Variants in ADAMTS12 observed in about 807,000 individuals in gnomAD.
ADAMTS12 encodes A disintegrin and metalloproteinase with thrombospondin motifs 12.
ADAMTS12 carries 118 observed loss-of-function variants against 167.8 expected under a neutral mutation model. The observed-to-expected ratio is 0.70, with a 90% CI of 0.61 to 0.82. The LOEUF is 0.82. Ranked by LOEUF, ADAMTS12 falls within the 40% of genes least tolerant of loss-of-function variation. ADAMTS12 has a pLI of 0.00. For missense variants in ADAMTS12, 1,916 were observed against 1,998.8 expected, an observed-to-expected ratio of 0.96 and a Z score of 0.79; for synonymous variants, 704 against 716.9, an observed-to-expected ratio of 0.98 and a Z score of 0.29.
At chr5:33,569,908 G>A (rs201259601) in intron 19 of ADAMTS12, among the ~76,000 whole-genome samples, 1 of 152,234 alleles carries the variant, frequency 6.6e-6, no homozygotes, top group East Asian at 1.9e-4. Context: ...TAAAGGAGCT[G>A]ATGGAGCTGA....
Position 33,567,818 on chromosome 5 carries a change from T to A in ADAMTS12, c.3973-6639A>T, listed in dbSNP as rs550801768. 3.9e-5 allele frequency among the ~76,000 whole-genome samples: 6 copies of A among 152,182 alleles called. No homozygotes were observed. The South Asian group carries it at 1.2e-3, about 31-fold the overall frequency. On this transcript the variant is annotated intron_variant, in intron 19 of 23. Transcript: ENST00000504830. The stretch of plus-strand genomic sequence containing the variant: ...CCACATAACTGGCATTATTTTCATA[T>A]GTAATATGACCAAAGAAGAAATAAA...
intron 2 of ADAMTS12, among the ~76,000 whole-genome samples, chr5:33,814,559 T>A (rs1747579857): frequency 6.6e-6 from 1 of 152,228 alleles, no homozygotes; most frequent in South Asian, 2.1e-4. Context: ...TTGGGAATCA[T>A]ATGTTTATTG....
rs758188323 is a variant in ADAMTS12 at position 33,624,297 on chromosome 5, C to T, written c.2077G>A (p.Val693Met). 6.8e-6 allele frequency: 11 copies of T among 1,614,112 alleles called. No homozygotes were observed. In the East Asian group the frequency reaches 2.2e-4, roughly 33 times the overall value. ...DSNATEDRCG[V>M]CLGDGSSCQT... ...CAGGAAGAGCCATCTCCCAGGCACA[C>T]ACCGCAGCGATCCTCGGTGGCATTG... Residue 693 changes from valine (V) to methionine (M), a missense_variant, in exon 14 of 24, where the codon GTG becomes ATG. Coordinates refer to ENST00000504830, the MANE Select transcript of ADAMTS12 (RefSeq NM_030955.4).
chr5:33,617,596 GA>G (rs1421856438), intron 14 of ADAMTS12, among the ~76,000 whole-genome samples: 1 of 152,076 alleles, frequency 6.6e-6, no homozygotes, highest in Non-Finnish European at 1.5e-5. Flanking sequence ...CCACCTCCGG[GA>G]AGATATTGAT....
chr5:33,720,207 A>AT (rs1743758127), intron 3 of ADAMTS12, among the ~76,000 whole-genome samples: 1 of 151,556 alleles, frequency 6.6e-6, no homozygotes, highest in Non-Finnish European at 1.5e-5. Context: ...AATGAAAGGG[A>AT]TTTTTTGGCA....
intron 20 of ADAMTS12, among the ~76,000 whole-genome samples, chr5:33,553,288 A>G (rs1745339021): frequency 6.6e-6 from 1 of 152,226 alleles, no homozygotes; most frequent in Non-Finnish European, 1.5e-5. Context: ...TAGTTCAGCC[A>G]TTGTGAAAGA....
chr5:33,724,744 G>A (rs1193069287), intron 3 of ADAMTS12, among the ~76,000 whole-genome samples: 2 of 151,764 alleles, frequency 1.3e-5, no homozygotes, highest in South Asian at 2.1e-4. Context: ...GTAGAGACGG[G>A]GTTTCACCGT....
chr5:33,562,629 A>G (rs1745801738), intron 19 of ADAMTS12, among the ~76,000 whole-genome samples: 1 of 150,518 alleles, frequency 6.6e-6, no homozygotes, highest in African/African-American at 2.4e-5. Context: ...TTCACTCTCC[A>G]TATAATTTTT....
intron 5 of ADAMTS12, 121 bp from the exon 6 acceptor site, chr5:33,662,161 A>G: frequency 7.6e-7 from 1 of 1,313,176 alleles, no homozygotes; most frequent in Non-Finnish European, 1.0e-6. Context: ...TGCATCAGAC[A>G]TTTGGCAGTC....
chr5:33,537,515 T>C (rs931734279), intron 22 of ADAMTS12, among the ~76,000 whole-genome samples: 4 of 152,224 alleles, frequency 2.6e-5, no homozygotes, highest in African/African-American at 9.6e-5. Flanking sequence ...TGTGTGCATC[T>C]TGGCTCTGAT....
chr5:33,741,630 A>C (rs1017895835), intron 3 of ADAMTS12, among the ~76,000 whole-genome samples: 1 of 152,124 alleles, frequency 6.6e-6, no homozygotes, highest in African/African-American at 2.4e-5. Context: ...CTAAGAATCC[A>C]AACCCACTTT....
chr5:33,852,888 G>A (rs1749269444), intron 2 of ADAMTS12, among the ~76,000 whole-genome samples: 1 of 152,184 alleles, frequency 6.6e-6, no homozygotes, highest in African/African-American at 2.4e-5. Flanking sequence ...GATGGCTGCA[G>A]TTTATGGAGA....
At chr5:33,861,352 G>A (rs3096133) in intron 2 of ADAMTS12, among the ~76,000 whole-genome samples, 74,164 of 151,778 alleles carry the variant, frequency 0.49, 20,441 homozygotes, top group African/African-American at 0.74. Context: ...AAGCAAAATG[G>A]AAGAAAAAAA....
chr5:33,845,208 C>T (rs1481842542), intron 2 of ADAMTS12, among the ~76,000 whole-genome samples: 5 of 152,174 alleles, frequency 3.3e-5, no homozygotes, highest in African/African-American at 1.2e-4. Context: ...AACAGCAGCA[C>T]CTGATAGCAA....
chr5:33,882,670 C>T (rs908713736), intron 1 of ADAMTS12, among the ~76,000 whole-genome samples: 1 of 152,158 alleles, frequency 6.6e-6, no homozygotes, highest in Non-Finnish European at 1.5e-5. Flanking sequence ...CGACTCACCG[C>T]AACCTCCGCC....
chr5:33,751,091 G>GT (rs201824473), intron 3 of ADAMTS12: 3 of 448,394 alleles, frequency 6.7e-6, no homozygotes, highest in Admixed American at 3.9e-5. Flanking sequence ...ATTCAGAAGA[G>GT]TTTTTTAAAA....
chr5:33,607,266 G>T (rs6873674), intron 16 of ADAMTS12, among the ~76,000 whole-genome samples: 9 of 151,736 alleles, frequency 5.9e-5, no homozygotes, highest in African/African-American at 1.9e-4. Context: ...AACAAAAAGT[G>T]AAACATCTGG....
At chr5:33,864,425 T>G (rs973944373) in intron 2 of ADAMTS12, among the ~76,000 whole-genome samples, 3 of 152,200 alleles carry the variant, frequency 2.0e-5, no homozygotes, top group Admixed American at 6.5e-5. Flanking sequence ...TGGAAGACAG[T>G]GTGGTGATTC....
At chr5:33,865,727 A>G (rs1749794008) in intron 2 of ADAMTS12, among the ~76,000 whole-genome samples, 1 of 151,750 alleles carries the variant, frequency 6.6e-6, no homozygotes, top group Non-Finnish European at 1.5e-5. Flanking sequence ...AGACTCCTTC[A>G]AAAGACTCCT....
Sources: allele counts gnomAD v4.1 joint callset (sites outside exome capture counted in the v4.1 genomes callset), GRCh38; gene constraint gnomAD v4.1.1; transcripts MANE v1.5; gene names NCBI Gene and HGNC (gene_info 2026-07-23, HGNC 2026-07-21).